The following RETREG1 variants were observed in gnomAD, a reference collection of about 807,000 sequenced individuals.
RETREG1 encodes family with sequence similarity 134 member B.
In RETREG1, 44 loss-of-function variants were observed where a neutral mutation model predicts 54.8. The observed-to-expected ratio is 0.80, with a 90% CI of 0.63 to 1.03. The LOEUF (loss-of-function observed/expected upper bound fraction) is 1.03. Among genes scored for constraint, RETREG1 ranks in the 50% least tolerant of loss-of-function variants. RETREG1 has a pLI of 0.00. For synonymous variants in RETREG1, 217 were observed against 238.5 expected, an observed-to-expected ratio of 0.91 and a Z score of 0.83; for missense variants, 554 against 605.1, an observed-to-expected ratio of 0.92 and a Z score of 0.89.
chr5:16,504,403 G>T (rs1319432275), intron 3 of RETREG1, among the ~76,000 whole-genome samples: 5 of 152,132 alleles, frequency 3.3e-5, no homozygotes, highest in African/African-American at 1.2e-4. Flanking sequence ...AACCACAGTG[G>T]GAGTATTTAC....
At chr5:16,588,502 G>A (rs113490259) in intron 1 of RETREG1, among the ~76,000 whole-genome samples, 27 of 152,180 alleles carry the variant, frequency 1.8e-4, no homozygotes, top group Non-Finnish European at 4.4e-5. Context: ...AACACCAAGT[G>A]TGTGGACCAC....
chr5:16,500,261 T>G (rs201441149), intron 3 of RETREG1, among the ~76,000 whole-genome samples: 1 of 152,200 alleles, frequency 6.6e-6, no homozygotes, highest in African/African-American at 2.4e-5. Context: ...GTGACCTAGA[T>G]GAATTGTAAT....
chr5:16,605,949 G>A (rs1424367581), intron 1 of RETREG1, among the ~76,000 whole-genome samples: 1 of 152,166 alleles, frequency 6.6e-6, no homozygotes, highest in Non-Finnish European at 1.5e-5. Flanking sequence ...AATTTAAGGG[G>A]ACACAAATAT....
At chr5:16,577,134 G>A (rs1032046039) in intron 1 of RETREG1, among the ~76,000 whole-genome samples, 2 of 152,054 alleles carry the variant, frequency 1.3e-5, no homozygotes, top group Non-Finnish European at 1.5e-5. Flanking sequence ...GACCCTTATA[G>A]GTCCCTTGCT....
Position 16,478,852 on chromosome 5 carries a change from G to A in RETREG1, c.806C>T (p.Ser269Phe). 1 of 1,611,292 alleles carries A rather than the reference G, an allele frequency of 6.2e-7. No homozygotes were observed. The highest frequency in any genetic ancestry group is 8.5e-7 in the Non-Finnish European group (1 of 1,178,156). ...TCTAAAATATAAACTTTACCTACCA[G>A]ATCTCTCACGTTTCTTCTGATTAAT... is the stretch of plus-strand genomic sequence containing the variant. ...EYINQKKRERSEADKEKSHKD... is the reference protein window; with the variant it reads ...EYINQKKRERFEADKEKSHKD... The change falls in exon 6 of 9, where the codon TCT becomes TTT. Residue 269 changes from serine to phenylalanine, a missense_variant and splice_region_variant. By Grantham distance (155) the Ser-to-Phe change is radical. This residue lies in a region of RETREG1 where 347 missense variants were observed against 412.3 expected (regional missense o/e 0.84). Coordinates refer to ENST00000306320, the MANE Select transcript of RETREG1 (RefSeq NM_001034850.3).
intron 4 of RETREG1, among the ~76,000 whole-genome samples, chr5:16,482,123 TG>T (rs1159808914): frequency 1.3e-5 from 2 of 151,990 alleles, no homozygotes; most frequent in African/African-American, 4.8e-5. Flanking sequence ...TTAGATGACT[TG>T]TGGAACAAAA....
At chr5:16,526,006 C>T (rs1740706532) in intron 3 of RETREG1, among the ~76,000 whole-genome samples, 1 of 152,218 alleles carries the variant, frequency 6.6e-6, no homozygotes, top group Admixed American at 6.5e-5. Flanking sequence ...GGAAGATAAT[C>T]TGCCCTACTC....
chr5:16,568,100 A>G (rs1742068034), intron 2 of RETREG1, among the ~76,000 whole-genome samples: 1 of 152,138 alleles, frequency 6.6e-6, no homozygotes, highest in Non-Finnish European at 1.5e-5. Context: ...AGAGTTCCCC[A>G]GAGTTCAGAC....
chr5:16,592,911 A>G (rs1318671014), intron 1 of RETREG1, among the ~76,000 whole-genome samples: 3 of 152,138 alleles, frequency 2.0e-5, no homozygotes, highest in African/African-American at 7.2e-5. Context: ...GGGTGGGAGG[A>G]AAGAGAAGAG....
At chr5:16,589,948 C>G (rs1252800048) in intron 1 of RETREG1, among the ~76,000 whole-genome samples, 19 of 152,144 alleles carry the variant, frequency 1.2e-4, no homozygotes, top group Non-Finnish European at 2.8e-4. Context: ...CCGATTCTCT[C>G]CTATGGGTCA....
At chr5:16,519,844 T>C (rs1197409176) in intron 3 of RETREG1, among the ~76,000 whole-genome samples, 1 of 152,240 alleles carries the variant, frequency 6.6e-6, no homozygotes, top group Non-Finnish European at 1.5e-5. Flanking sequence ...TTTCTTATCC[T>C]GAATAGTCAG....
At chr5:16,560,639 GAGCTC>G (rs755989023) in intron 3 of RETREG1, among the ~76,000 whole-genome samples, 12 of 152,182 alleles carry the variant, frequency 7.9e-5, no homozygotes, top group Non-Finnish European at 1.5e-4. Context: ...GGAGGTTTCT[GAGCTC>G]AGCACCTGTG....
Position 16,474,696 on chromosome 5 carries a change from AT to A in RETREG1, c.*44del. On this transcript the variant is annotated 3_prime_UTR_variant, in exon 9 of 9. Coordinates refer to ENST00000306320, the MANE Select transcript of RETREG1 (RefSeq NM_001034850.3). ...TTTTTTTTTTTTTTTCTTGTTTGAA[AT>A]TTTTTTGGTGTTTTTTGTGCTCTGT... The A allele has an allele frequency of 1.3e-6, 2 of 1,521,902 alleles. No individual in the cohort carries two copies. The highest frequency in any genetic ancestry group is 2.2e-5 in the Admixed American group (1 of 45,682). 94.3% of individuals were successfully genotyped at this position (1,521,902 alleles called of 1,614,324 possible). A position where few individuals can be genotyped will look rare whatever the true frequency, so the allele number is the denominator to read the frequency against.
chr5:16,571,975 A>T (rs773531146), intron 2 of RETREG1, 21 bp downstream of exon 2: 3 of 1,550,494 alleles, frequency 1.9e-6, no homozygotes, highest in Non-Finnish European at 2.7e-6. Context: ...TACCATATAA[A>T]TAAAATCTGA....
chr5:16,503,140 G>A (rs924394997), intron 3 of RETREG1, among the ~76,000 whole-genome samples: 1 of 152,192 alleles, frequency 6.6e-6, no homozygotes, highest in Non-Finnish European at 1.5e-5. Context: ...GAAGCTCACT[G>A]GGGCACTGAA....
At chr5:16,519,255 A>T (rs1740454017) in intron 3 of RETREG1, among the ~76,000 whole-genome samples, 1 of 152,182 alleles carries the variant, frequency 6.6e-6, no homozygotes, top group South Asian at 2.1e-4. Context: ...AAGCAATACA[A>T]ACTTTTTTCT....
chr5:16,517,013 A>G (rs1740378574), intron 3 of RETREG1, among the ~76,000 whole-genome samples: 1 of 152,190 alleles, frequency 6.6e-6, no homozygotes, highest in African/African-American at 2.4e-5. Flanking sequence ...AGATGCCTGC[A>G]GGGGGAACAA....
intron 3 of RETREG1, among the ~76,000 whole-genome samples, chr5:16,514,992 T>C (rs932004642): frequency 6.7e-6 from 1 of 149,222 alleles, no homozygotes; most frequent in Non-Finnish European, 1.5e-5. Flanking sequence ...ATTTTCTTTA[T>C]CCACTCATTG....
chr5:16,504,889 T>C (rs1196233427), intron 3 of RETREG1, among the ~76,000 whole-genome samples: 3 of 152,180 alleles, frequency 2.0e-5, no homozygotes, highest in Non-Finnish European at 4.4e-5. Flanking sequence ...CCTCACCCGA[T>C]TTTTTAAAGA....
Sources: allele counts gnomAD v4.1 joint callset (sites outside exome capture counted in the v4.1 genomes callset), GRCh38; gene constraint gnomAD v4.1.1; regional missense constraint gnomAD v4.1.1; transcripts MANE v1.5; gene names NCBI Gene and HGNC (gene_info 2026-07-23, HGNC 2026-07-21).